The following SLC5A1 variants were observed in gnomAD, a reference collection of about 807,000 sequenced individuals.
SLC5A1 encodes solute carrier family 5 member 1.
Under a neutral mutation model 73.5 loss-of-function variants are expected in SLC5A1, and 42 were observed. The observed-to-expected ratio is 0.57, with a 90% confidence interval of 0.45 to 0.74. The LOEUF (loss-of-function observed/expected upper bound fraction) is 0.74, where lower values mean the gene tolerates loss of function less well. Ranked by LOEUF, SLC5A1 falls within the 30% of genes least tolerant of loss-of-function variation. The pLI is 0.00. For synonymous variants in SLC5A1, 300 were observed against 317.4 expected, an observed-to-expected ratio of 0.95 and a Z score of 0.58; for missense variants, 634 against 855.4, an observed-to-expected ratio of 0.74 and a Z score of 3.23.
At chr22:32,062,956 C>G (rs559887697) in intron 2 of SLC5A1, among the ~76,000 whole-genome samples, 20 of 152,264 alleles carry the variant, frequency 1.3e-4, no homozygotes, top group African/African-American at 4.3e-4. Flanking sequence ...AATTGAGGTG[C>G]CTTCAGGGTT....
intron 9 of SLC5A1, among the ~76,000 whole-genome samples, chr22:32,085,997 C>T (rs1281117433): frequency 1.3e-5 from 2 of 151,998 alleles, no homozygotes; most frequent in African/African-American, 2.4e-5. Context: ...AAAAATTAGC[C>T]AGGCATGGTG....
chr22:32,104,860 C>T lies in SLC5A1; in HGVS notation c.1740C>T (p.Ile580=), dbSNP rs200702605. The T allele has an allele frequency of 3.7e-6, 6 of 1,613,892 alleles. No homozygotes were observed. The highest frequency in any genetic ancestry group is 4.2e-6 in the Non-Finnish European group (5 of 1,179,918). ...RIDLDAEEEN[I]QEGPKETIEI... Reference sequence around the variant, plus strand: ...ACCTGGATGCGGAAGAGGAGAACATCCAAGAAGGCCCTAAGGAGACCATTG... The same window carrying T: ...ACCTGGATGCGGAAGAGGAGAACATTCAAGAAGGCCCTAAGGAGACCATTG... Residue 580 remains isoleucine, a synonymous_variant, in exon 14 of 15, where the codon ATC becomes ATT. Coordinates refer to ENST00000266088, the MANE Select transcript of SLC5A1 (RefSeq NM_000343.4).
intron 11 of SLC5A1, among the ~76,000 whole-genome samples, chr22:32,095,700 G>A (rs575601805): frequency 6.6e-6 from 1 of 152,238 alleles, no homozygotes; most frequent in African/African-American, 2.4e-5. Context: ...CCACTTGCAT[G>A]GGATGTCTTT....
At chr22:32,064,593 C>T (rs1168145186) in intron 2 of SLC5A1, among the ~76,000 whole-genome samples, 3 of 152,144 alleles carry the variant, frequency 2.0e-5, no homozygotes, top group Non-Finnish European at 4.4e-5. Flanking sequence ...GTTTCCCCTT[C>T]TTAATGAATG....
chr22:32,077,984 A>G (rs963601674), intron 5 of SLC5A1, among the ~76,000 whole-genome samples: 1 of 152,194 alleles, frequency 6.6e-6, no homozygotes, highest in Non-Finnish European at 1.5e-5. Context: ...ATATTTTCAT[A>G]TTTTGGCCTT....
intron 5 of SLC5A1, among the ~76,000 whole-genome samples, chr22:32,071,815 C>T (rs1038353938): frequency 6.6e-6 from 1 of 152,084 alleles, no homozygotes; most frequent in Admixed American, 6.5e-5. Context: ...AGGTAGGGTT[C>T]TGAAAATACA....
intron 10 of SLC5A1, among the ~76,000 whole-genome samples, chr22:32,088,693 C>T (rs2094012149): frequency 6.6e-6 from 1 of 152,136 alleles, no homozygotes; most frequent in South Asian, 2.1e-4. Flanking sequence ...TTTTCCATTC[C>T]TCACCTTACT....
At position 32,084,587 on chromosome 22, in the gene SLC5A1, G is replaced by GGGAGACC. The variant is rs1569310762; in HGVS notation, c.814_820dup (p.Leu274ArgfsTer81). On this transcript the variant is annotated frameshift_variant, in exon 8 of 15. Transcript: ENST00000266088. LOFTEE classifies it high-confidence loss of function. ...TCCACATCTTCCGAGATCCCCTCAC[G>GGGAGACC]GGAGACCTCCCATGGCCTGGGTTCA... The GGGAGACC allele has an allele frequency of 1.2e-6, 2 of 1,614,186 alleles. No individual in the cohort carries two copies. The highest frequency in any genetic ancestry group is 3.3e-5 in the Admixed American group (2 of 60,026).
intron 2 of SLC5A1, among the ~76,000 whole-genome samples, chr22:32,052,525 G>A (rs947906947): frequency 1.3e-5 from 2 of 152,130 alleles, no homozygotes; most frequent in African/African-American, 4.8e-5. Flanking sequence ...CATGAGAGAG[G>A]CAGGGATGCA....
At chr22:32,091,226 TTC>T (rs1238431724) in intron 10 of SLC5A1, among the ~76,000 whole-genome samples, 2 of 151,660 alleles carry the variant, frequency 1.3e-5, no homozygotes, top group Non-Finnish European at 2.9e-5. Flanking sequence ...TTAAATCTCT[TTC>T]TGTTATATCA....
chr22:32,052,818 C>A (rs1487698450), intron 2 of SLC5A1, among the ~76,000 whole-genome samples: 2 of 151,990 alleles, frequency 1.3e-5, no homozygotes, highest in African/African-American at 4.8e-5. Flanking sequence ...AGAAGAGGGA[C>A]ATGTCCCCAG....
At chr22:32,056,081 A>T (rs74599642) in intron 2 of SLC5A1, among the ~76,000 whole-genome samples, 4,277 of 152,226 alleles carry the variant, frequency 0.028, 184 homozygotes, top group African/African-American at 0.092. Flanking sequence ...GAGTGCAGTG[A>T]CGTGATCATA....
intron 2 of SLC5A1, among the ~76,000 whole-genome samples, chr22:32,063,686 T>C (rs78907591): frequency 0.045 from 6,815 of 151,854 alleles, 206 homozygotes; most frequent in Non-Finnish European, 0.07. Context: ...AGGTGACTGA[T>C]GGAAAGGAGA....
chr22:32,085,401 T>A (rs934508614), intron 9 of SLC5A1, among the ~76,000 whole-genome samples: 2 of 152,146 alleles, frequency 1.3e-5, no homozygotes, highest in Non-Finnish European at 2.9e-5. Context: ...GCTGGGATTA[T>A]AGGCATAAGC....
At position 32,110,219 on chromosome 22, in the gene SLC5A1, A is replaced by G. The variant is rs1330166504; in HGVS notation, c.*6A>G. ...GCCATGCATATTTTGCCTGAGTCCT[A>G]CCTTTTGCTGTAGATTTACCATGGC... On this transcript the variant is annotated 3_prime_UTR_variant, in exon 15 of 15. Coordinates refer to ENST00000266088, the MANE Select transcript of SLC5A1 (RefSeq NM_000343.4). The G allele has an allele frequency of 1.3e-6, 2 of 1,595,208 alleles. No homozygotes were observed. Among genetic ancestry groups the G allele is most frequent in the Non-Finnish European group, 8.6e-7 (1 of 1,163,552 alleles).
chr22:32,070,954 C>T (rs2093982035), intron 5 of SLC5A1, among the ~76,000 whole-genome samples: 1 of 152,118 alleles, frequency 6.6e-6, no homozygotes, highest in South Asian at 2.1e-4. Context: ...AGTAAGAAAA[C>T]TACCTTGGAG....
chr22:32,092,761 G>T (rs771507491), intron 11 of SLC5A1, among the ~76,000 whole-genome samples: 27 of 152,116 alleles, frequency 1.8e-4, no homozygotes, highest in Admixed American at 1.4e-3. Context: ...TGGGTTGCCC[G>T]TTTACTCTGC....
intron 12 of SLC5A1, among the ~76,000 whole-genome samples, chr22:32,101,717 T>C (rs142973835): frequency 6.6e-6 from 1 of 152,236 alleles, no homozygotes; most frequent in Non-Finnish European, 1.5e-5. Flanking sequence ...GAATCAAGTC[T>C]GTAGGTTGAC....
chr22:32,089,722 T>G (rs1406609583), intron 10 of SLC5A1, among the ~76,000 whole-genome samples: 2 of 152,160 alleles, frequency 1.3e-5, no homozygotes, highest in Non-Finnish European at 2.9e-5. Flanking sequence ...CCTGTTGCTA[T>G]AGAGATGGGC....
Sources: allele counts gnomAD v4.1 joint callset (sites outside exome capture counted in the v4.1 genomes callset), GRCh38; gene constraint gnomAD v4.1.1; transcripts MANE v1.5; gene names NCBI Gene and HGNC (gene_info 2026-07-23, HGNC 2026-07-21).